TVP23C: variants seen among roughly 807,000 people sequenced by gnomAD.
TVP23C encodes the protein Golgi apparatus membrane protein TVP23 homolog C.
A neutral mutation model predicts 28.7 loss-of-function variants in TVP23C; 19 were observed. The observed-to-expected ratio is 0.66, with a 90% confidence interval of 0.46 to 0.97. The LOEUF (loss-of-function observed/expected upper bound fraction) is 0.97, where lower values mean the gene tolerates loss of function less well. Among genes scored for constraint, TVP23C ranks in the 50% least tolerant of loss-of-function variants. The pLI is 0.00. For missense variants in TVP23C, 186 were observed against 241.3 expected, an observed-to-expected ratio of 0.77 and a Z score of 1.52; for synonymous variants, 68 against 81.7, an observed-to-expected ratio of 0.83 and a Z score of 0.90.
chr17:15,539,154 A>T lies in TVP23C; in HGVS notation c.*1258T>A, dbSNP rs924462182. ...GGAGAAATGCAAATTATGAGACTCC[A>T]CCCCCAGATCTACTGAATAAGGAGT... On this transcript the variant is annotated 3_prime_UTR_variant, in exon 6 of 6. Transcript: ENST00000518321. The T allele has an allele frequency of 1.1e-6, 1 of 945,716 alleles. No homozygotes were observed. Among genetic ancestry groups the T allele is most frequent in the African/African-American group, 1.8e-5 (1 of 56,246 alleles). The allele number at this position is 945,716 out of a possible 1,614,324, so 58.6% of individuals were successfully genotyped here. A position where few individuals can be genotyped will look rare whatever the true frequency, so the allele number is the denominator to read the frequency against.
chr17:15,552,189 C>T (rs112014059), intron 3 of TVP23C, among the ~76,000 whole-genome samples: 16,241 of 152,128 alleles, frequency 0.11, 1,060 homozygotes, highest in Middle Eastern at 0.18. Context: ...CAAAAAGAAA[C>T]GTGTATCAAA....
rs1982900812 is a variant in TVP23C at position 15,530,297 on chromosome 17, A to AT, written c.462+15487dup. ...TTTTGATTTCCTTCTTGTTCCTCTTATTGTATTTTTTGAGTTTTTTTTCCT... is the reference window on the plus strand; with the variant it reads ...TTTTGATTTCCTTCTTGTTCCTCTTATTTGTATTTTTTGAGTTTTTTTTCCT... On this transcript the variant is annotated intron_variant, in intron 5 of 5. Coordinates refer to the TVP23C transcript ENST00000225576. Among the ~76,000 whole-genome samples, 7 of 151,984 alleles carry AT rather than the reference A, an allele frequency of 4.6e-5. No individual in the cohort carries two copies. The South Asian group carries it at 1.5e-3, about 32-fold the overall frequency.
chr17:15,540,388 AG>A lies in TVP23C; in HGVS notation c.*23del. On this transcript the variant is annotated 3_prime_UTR_variant, in exon 6 of 6. Coordinates refer to ENST00000518321, the MANE Select transcript of TVP23C (RefSeq NM_001135036.2). ...TCATAAAAATTAAACTATGAAAGTT[AG>A]AAATAATTGCATTAGTCACTGATCA... is the stretch of plus-strand genomic sequence containing the variant. 1 of 1,562,060 alleles carries A rather than the reference AG, an allele frequency of 6.4e-7. No individual in the cohort carries two copies. The highest frequency in any genetic ancestry group is 8.7e-7 in the Non-Finnish European group (1 of 1,149,076).
chr17:15,561,054 A>G (rs866236932), intron 1 of TVP23C, among the ~76,000 whole-genome samples: 1 of 152,176 alleles, frequency 6.6e-6, no homozygotes. Flanking sequence ...CAATTATCAT[A>G]AAAGAATATG....
intron 5 of TVP23C, among the ~76,000 whole-genome samples, chr17:15,505,821 T>C (rs1191376098): frequency 2.0e-5 from 3 of 152,152 alleles, no homozygotes; most frequent in East Asian, 1.9e-4. Flanking sequence ...CCCCGGGCAA[T>C]GAGCACCCGG....
chr17:15,502,666 C>A, exon 6 of TVP23C: 1 of 936,790 alleles, frequency 1.1e-6, no homozygotes, highest in Non-Finnish European at 1.5e-6. Context: ...CTCTCTTCTG[C>A]CCTTTTCCCC....
At position 15,563,390 on chromosome 17, in the gene TVP23C, C is replaced by A. The variant is rs28495834; in HGVS notation, c.12+47G>T. ...CTCCAGTCCCACGGAACCTGCAGAGCCAGTCCCAGGAGCCGCCACCCTCCC... is the reference window on the plus strand; with the variant it reads ...CTCCAGTCCCACGGAACCTGCAGAGACAGTCCCAGGAGCCGCCACCCTCCC... On this transcript the variant is annotated intron_variant, in intron 1 of 5. Transcript: ENST00000518321. 2.8e-3 allele frequency: 4,399 copies of A among 1,572,836 alleles called. 92 individuals carry two copies. The African/African-American group carries it at 0.05, about 18-fold the overall frequency.
downstream of TVP23C, among the ~76,000 whole-genome samples, chr17:15,533,253 G>A (rs769664670): frequency 6.6e-6 from 1 of 152,174 alleles, no homozygotes. Context: ...GCAACTTACG[G>A]TAATGTGTAA....
At chr17:15,546,546 T>C (rs1349302209) in intron 4 of TVP23C, among the ~76,000 whole-genome samples, 1 of 150,994 alleles carries the variant, frequency 6.6e-6, no homozygotes, top group Admixed American at 6.6e-5. Context: ...AAAGTGAATA[T>C]TCACTATAGT....
chr17:15,554,850 A>C (rs567269009), intron 2 of TVP23C, among the ~76,000 whole-genome samples: 32 of 152,350 alleles, frequency 2.1e-4, no homozygotes, highest in African/African-American at 7.7e-4. Context: ...TGAAAGATGA[A>C]AGAAAAGTAA....
chr17:15,522,933 C>A (rs139420112), intron 5 of TVP23C, among the ~76,000 whole-genome samples: 1 of 151,822 alleles, frequency 6.6e-6, no homozygotes, highest in East Asian at 1.9e-4. Context: ...ACCACCAGAG[C>A]GAGATTCCCT....
At chr17:15,534,565 G>A (rs1983075886), downstream of TVP23C, among the ~76,000 whole-genome samples, 1 of 140,230 alleles carries the variant, frequency 7.1e-6, no homozygotes, top group South Asian at 2.2e-4. Context: ...TGGAGTTAAT[G>A]TGCCATCACT....
At chr17:15,502,917 T>C (rs761621778) in exon 6 of TVP23C, 6 of 1,609,912 alleles carry the variant, frequency 3.7e-6, no homozygotes, top group Non-Finnish European at 4.2e-6. Flanking sequence ...CCAGTTCCTC[T>C]GCTATTGGGA....
At position 15,538,506 on chromosome 17, in the gene TVP23C, T is replaced by C. The variant is rs1157872888; in HGVS notation, c.*1906A>G. The C allele has an allele frequency of 1.3e-6, 1 of 780,454 alleles. No individual in the cohort carries two copies. The highest frequency in any genetic ancestry group is 1.6e-6 in the Non-Finnish European group (1 of 643,346). 48.3% of individuals were successfully genotyped at this position (780,454 alleles called of 1,614,324 possible). A position where few individuals can be genotyped will look rare whatever the true frequency, so the allele number is the denominator to read the frequency against. On this transcript the variant is annotated 3_prime_UTR_variant, in exon 6 of 6. Coordinates refer to ENST00000518321, the MANE Select transcript of TVP23C (RefSeq NM_001135036.2). ...TCGGGAGGCTGAGGCAGAAGAATAG[T>C]ATGAACCCGGGAGGTGGAGTTTGCA...
rs2150822894 is a variant in TVP23C, at chr17:15,502,777, T to C, written c.*87A>G. On this transcript the variant is annotated 3_prime_UTR_variant, in exon 6 of 6. Coordinates refer to the TVP23C transcript ENST00000225576. ...CTCTTTCTCTCCTTCTCCGTCACTC[T>C]CTTCCCTCCCTCTCTCCTCTCTCCT... 3 of 1,451,638 alleles carry C rather than the reference T, an allele frequency of 2.1e-6. No homozygotes were observed. In the East Asian group the frequency reaches 7.2e-5, roughly 35 times the overall value. 89.9% of individuals were successfully genotyped at this position (1,451,638 alleles called of 1,614,324 possible). A position where few individuals can be genotyped will look rare whatever the true frequency, so the allele number is the denominator to read the frequency against.
At chr17:15,522,731 A>T (rs557849068) in intron 5 of TVP23C, among the ~76,000 whole-genome samples, 18 of 152,262 alleles carry the variant, frequency 1.2e-4, no homozygotes, top group South Asian at 1.0e-3. Flanking sequence ...CTACATTTTT[A>T]AAAAAACTTA....
chr17:15,556,772 C>T (rs1254543784), intron 1 of TVP23C, among the ~76,000 whole-genome samples: 5 of 152,138 alleles, frequency 3.3e-5, no homozygotes, highest in Non-Finnish European at 5.9e-5. Context: ...CTGCCTTTAT[C>T]CCTCTCTATT....
chr17:15,536,636 AACT>A (rs1983169821), downstream of TVP23C, among the ~76,000 whole-genome samples: 1 of 151,710 alleles, frequency 6.6e-6, no homozygotes, highest in East Asian at 1.9e-4. Flanking sequence ...TTACCTAAAG[AACT>A]ACACCAATGT....
chr17:15,515,743 A>G (rs1325587413), intron 5 of TVP23C, among the ~76,000 whole-genome samples: 1 of 152,068 alleles, frequency 6.6e-6, no homozygotes, highest in Non-Finnish European at 1.5e-5. Context: ...AGGGTCTCCA[A>G]ATGTCTTCTG....
Sources: allele counts gnomAD v4.1 joint callset (sites outside exome capture counted in the v4.1 genomes callset), GRCh38; gene constraint gnomAD v4.1.1; transcripts MANE v1.5; gene names NCBI Gene and HGNC (gene_info 2026-07-23, HGNC 2026-07-21).